The following AGPAT3 variants were observed in gnomAD, a reference collection of about 807,000 sequenced individuals.
The protein encoded by AGPAT3 is 1-acylglycerol-3-phosphate O-acyltransferase 3.
In AGPAT3, 5 loss-of-function variants were observed where a neutral mutation model predicts 47.3. The ratio of observed to expected loss-of-function variants is 0.11; its 90% CI spans 0.06 to 0.22. The LOEUF (loss-of-function observed/expected upper bound fraction) is 0.22. Ranked by LOEUF, AGPAT3 falls within the 10% of genes least tolerant of loss-of-function variation. The pLI is 1.00. For missense variants in AGPAT3, 315 were observed against 493.0 expected (o/e 0.64, Z 3.42); for synonymous variants, 212 against 208.3 (o/e 1.02, Z -0.15).
At chr21:43,884,865 A>G (rs2085939603) in intron 1 of AGPAT3, among the ~76,000 whole-genome samples, 1 of 152,158 alleles carries the variant, frequency 6.6e-6, no homozygotes, top group Non-Finnish European at 1.5e-5. Flanking sequence ...AGCATATTGC[A>G]AAGCACACGT....
chr21:43,929,233 C>T (rs929779376), intron 2 of AGPAT3, among the ~76,000 whole-genome samples: 3 of 152,190 alleles, frequency 2.0e-5, no homozygotes, highest in African/African-American at 4.8e-5. Flanking sequence ...GCAGCAACAG[C>T]GTAAGATGGT....
chr21:43,985,671 G>A lies in AGPAT3; in HGVS notation c.*3279G>A, dbSNP rs1203714343. On this transcript the variant is annotated 3_prime_UTR_variant, in exon 10 of 10. Transcript: ENST00000291572. ...TGGGGTGAAGAATGAGTAAGTTTCT[G>A]CATGCTTTGTCTCTACCTGAGACAC... 2.5e-5 allele frequency: 5 copies of A among 202,670 alleles called. No individual in the cohort carries two copies. The highest frequency in any genetic ancestry group is 5.3e-5 in the Admixed American group (1 of 18,774). 12.6% of individuals were successfully genotyped at this position (202,670 alleles called of 1,614,324 possible).
At chr21:43,977,836 G>T (rs1484346077) in intron 7 of AGPAT3, among the ~76,000 whole-genome samples, 1 of 151,424 alleles carries the variant, frequency 6.6e-6, no homozygotes, top group Non-Finnish European at 1.5e-5. Context: ...GCAGTGAGCA[G>T]AGATCGCACC....
At chr21:43,876,827 T>TTTTTG (rs952348684) in intron 1 of AGPAT3, among the ~76,000 whole-genome samples, 2 of 151,990 alleles carry the variant, frequency 1.3e-5, no homozygotes, top group African/African-American at 2.4e-5. Flanking sequence ...TTTTCACCAG[T>TTTTTG]TTTTGTTTTG....
intron 2 of AGPAT3, among the ~76,000 whole-genome samples, chr21:43,918,101 G>A (rs28435254): frequency 0.72 from 85,993 of 120,022 alleles, 30,482 homozygotes; most frequent in Admixed American, 0.8. Context: ...GTGTTGTGTT[G>A]TGGGTGTTGT....
intron 1 of AGPAT3, among the ~76,000 whole-genome samples, chr21:43,878,594 A>G (rs2085783579): frequency 6.6e-6 from 1 of 152,258 alleles, no homozygotes; most frequent in East Asian, 1.9e-4. Flanking sequence ...TGCTGAGTAA[A>G]GGGTCTTGCC....
rs1020039332 is a variant in AGPAT3 at position 43,879,102 on chromosome 21, C to A, written c.-112+13757C>A. 3.3e-5 allele frequency among the ~76,000 whole-genome samples: 5 copies of A among 152,230 alleles called. No homozygotes were observed. The East Asian group carries it at 9.7e-4, about 29-fold the overall frequency. ...CAGTGTCTCATGCCTGTAATCCCAG[C>A]ACTTTGGGAGGCTGAGGCAGGCTGA... On this transcript the variant is annotated intron_variant, in intron 1 of 9. Transcript: ENST00000291572.
At chr21:43,945,808 G>A (rs1569080674) in intron 2 of AGPAT3, among the ~76,000 whole-genome samples, 1 of 152,224 alleles carries the variant, frequency 6.6e-6, no homozygotes, top group South Asian at 2.1e-4. Flanking sequence ...ACACCTTTAA[G>A]GTCCAGGCAC....
chr21:43,979,472 C>G (rs2089763705), intron 8 of AGPAT3, among the ~76,000 whole-genome samples: 2 of 152,088 alleles, frequency 1.3e-5, no homozygotes, highest in African/African-American at 4.8e-5. Flanking sequence ...TGCTGTGATG[C>G]CTACATGGAA....
intron 2 of AGPAT3, among the ~76,000 whole-genome samples, chr21:43,938,316 C>CTTTTT (rs57776186): frequency 2.8e-5 from 2 of 70,538 alleles, no homozygotes; most frequent in Non-Finnish European, 5.2e-5. Context: ...ATCTGCAAAT[C>CTTTTT]TTTTTTTTTT....
At position 43,970,530 on chromosome 21, in the gene AGPAT3, G is replaced by A. The variant is rs977919217; in HGVS notation, c.511-123G>A. ...CATAACCCATGCTGCTCGCTAAAGC[G>A]GTTCCAAGATTTCCACAAATTCAGC... On this transcript the variant is annotated intron_variant, in intron 5 of 9. Transcript: ENST00000291572. The surrounding 1 kb of genome is among the most constrained non-coding windows in gnomAD (Gnocchi z 5.8). The A allele has an allele frequency of 4.6e-5, 47 of 1,019,608 alleles. No individual in the cohort carries two copies. The highest frequency in any genetic ancestry group is 1.8e-4 in the African/African-American group (11 of 61,560). The allele number at this position is 1,019,608 out of a possible 1,614,324, so 63.2% of individuals were successfully genotyped here. A position where few individuals can be genotyped will look rare whatever the true frequency, so the allele number is the denominator to read the frequency against.
rs2087590632 is a variant in AGPAT3, at chr21:43,939,762, C to T, written c.-48-19872C>T. ...ACCCACAACCTGGCCCCTTGACACA[C>T]TGGTGCTGTGAGGAGGAAGATGTGG... On this transcript the variant is annotated intron_variant, in intron 2 of 9. Transcript: ENST00000291572. This position sits in a 1 kb window ranked among gnomAD's most constrained non-coding sequence, Gnocchi z 4.4. Among the ~76,000 whole-genome samples, 1 of 152,180 alleles carries T rather than the reference C, an allele frequency of 6.6e-6. No homozygotes were observed. Among genetic ancestry groups the T allele is most frequent in the Non-Finnish European group, 1.5e-5 (1 of 68,030 alleles).
intron 1 of AGPAT3, among the ~76,000 whole-genome samples, chr21:43,883,243 C>A (rs527443644): frequency 6.6e-6 from 1 of 152,204 alleles, no homozygotes; most frequent in Non-Finnish European, 1.5e-5. Context: ...CCTCAAGGGC[C>A]TCATGGCCTG....
intron 2 of AGPAT3, among the ~76,000 whole-genome samples, chr21:43,936,564 G>A (rs1321752939): frequency 2.6e-5 from 4 of 152,246 alleles, no homozygotes; most frequent in South Asian, 2.1e-4. Flanking sequence ...GTGGCACGCC[G>A]GTAATGCCTG....
At chr21:43,918,290 A>G (rs1194222321) in intron 2 of AGPAT3, among the ~76,000 whole-genome samples, 1 of 151,944 alleles carries the variant, frequency 6.6e-6, no homozygotes, top group Non-Finnish European at 1.5e-5. Flanking sequence ...TCATAACAGC[A>G]CTTTGGGTGT....
At chr21:43,929,898 C>T (rs1478616483) in intron 2 of AGPAT3, among the ~76,000 whole-genome samples, 1 of 152,224 alleles carries the variant, frequency 6.6e-6, no homozygotes, top group Non-Finnish European at 1.5e-5. Context: ...TGAGATGGCG[C>T]TCCCAGCGAG....
intron 2 of AGPAT3, among the ~76,000 whole-genome samples, chr21:43,950,132 G>A (rs1399798842): frequency 6.6e-6 from 1 of 152,244 alleles, no homozygotes; most frequent in Non-Finnish European, 1.5e-5. Context: ...CATTAAGAGA[G>A]CAAGAGATAA....
At chr21:43,899,343 T>TA (rs1440156384) in intron 1 of AGPAT3, among the ~76,000 whole-genome samples, 1 of 152,176 alleles carries the variant, frequency 6.6e-6, no homozygotes, top group Non-Finnish European at 1.5e-5. Context: ...CCTTTGAAGG[T>TA]AGTCTCCCTT....
intron 7 of AGPAT3, among the ~76,000 whole-genome samples, chr21:43,973,251 C>G (rs965364190): frequency 1.1e-4 from 16 of 152,256 alleles, no homozygotes; most frequent in African/African-American, 3.9e-4. Context: ...TGGGAGGGAG[C>G]TCTGAGCCAC....
Sources: allele counts gnomAD v4.1 joint callset (sites outside exome capture counted in the v4.1 genomes callset), GRCh38; gene constraint gnomAD v4.1.1; non-coding constraint Gnocchi (gnomAD v3.1); transcripts MANE v1.5; gene names NCBI Gene and HGNC (gene_info 2026-07-23, HGNC 2026-07-21).